Variants in ATP6V1E2 observed in about 807,000 individuals in gnomAD.
ATP6V1E2 encodes ATPase H+ transporting V1 subunit E2.
For synonymous variants in ATP6V1E2, 121 were observed against 104.2 expected (o/e 1.16, Z -0.98); for missense variants, 308 against 273.3 (o/e 1.13, Z -0.90).
intron 4 of ATP6V1E2, among the ~76,000 whole-genome samples, chr2:46,532,144 G>C (rs1558667508): frequency 6.6e-6 from 1 of 152,056 alleles, no homozygotes; most frequent in Non-Finnish European, 1.5e-5. Flanking sequence ...TATGGTCTTA[G>C]CTCATGTCTT....
intron 4 of ATP6V1E2, among the ~76,000 whole-genome samples, chr2:46,526,840 G>A (rs1376931084): frequency 2.0e-5 from 3 of 152,092 alleles, no homozygotes; most frequent in Admixed American, 2.0e-4. Context: ...TATGAACATG[G>A]GTATATAAAT....
At chr2:46,541,267 C>T (rs1011300798) in intron 2 of ATP6V1E2, 123 bp downstream of exon 2, 1 of 152,252 alleles carries the variant, frequency 6.6e-6, no homozygotes, top group African/African-American at 2.4e-5. Flanking sequence ...TCAGTCCATA[C>T]AAAATATCTT....
intron 2 of ATP6V1E2, chr2:46,537,664 G>A (rs904148719): frequency 6.6e-6 from 1 of 151,900 alleles, no homozygotes; most frequent in Non-Finnish European, 1.5e-5. Context: ...CATAACAGAA[G>A]TCCATACACT....
intron 4 of ATP6V1E2, among the ~76,000 whole-genome samples, chr2:46,520,750 T>G (rs1330885225): frequency 6.6e-6 from 1 of 152,244 alleles, no homozygotes; most frequent in African/African-American, 2.4e-5. Context: ...TCTAGGAAAC[T>G]TCTTTGAAAA....
intron 3 of ATP6V1E2, among the ~76,000 whole-genome samples, 172 bp downstream of exon 3, chr2:46,536,439 G>A (rs1667448040): frequency 6.6e-6 from 1 of 152,238 alleles, no homozygotes; most frequent in Admixed American, 6.5e-5. Flanking sequence ...GAGAAAAATA[G>A]GGATAGGGGT....
At chr2:46,515,921 T>C (rs1687692906) in intron 4 of ATP6V1E2, among the ~76,000 whole-genome samples, 1 of 152,090 alleles carries the variant, frequency 6.6e-6, no homozygotes, top group Non-Finnish European at 1.5e-5. Flanking sequence ...TCAAGAACTG[T>C]CACAAGAGAC....
At chr2:46,525,270 C>T (rs112634955) in intron 4 of ATP6V1E2, among the ~76,000 whole-genome samples, 28,187 of 151,278 alleles carry the variant, frequency 0.19, 3,212 homozygotes, top group Admixed American at 0.27. Flanking sequence ...GTCAGGAGAT[C>T]GAGACCACGG....
chr2:46,539,445 C>T (rs1413866755), intron 2 of ATP6V1E2, among the ~76,000 whole-genome samples: 1 of 152,226 alleles, frequency 6.6e-6, no homozygotes, highest in Non-Finnish European at 1.5e-5. Flanking sequence ...AAAAAGTGCC[C>T]TTCTTGCAAT....
chr2:46,532,907 C>A (rs748860734), intron 4 of ATP6V1E2, among the ~76,000 whole-genome samples: 5 of 152,070 alleles, frequency 3.3e-5, no homozygotes, highest in Admixed American at 6.6e-5. Context: ...AACACTATAT[C>A]ATTTAATGCG....
At chr2:46,533,193 G>C (rs1325068764) in intron 4 of ATP6V1E2, among the ~76,000 whole-genome samples, 1 of 143,612 alleles carries the variant, frequency 7.0e-6, no homozygotes, top group African/African-American at 2.6e-5. Flanking sequence ...TATAGTGTGT[G>C]CATGTATGTG....
At chr2:46,529,926 G>T (rs1667106613) in intron 4 of ATP6V1E2, among the ~76,000 whole-genome samples, 1 of 152,170 alleles carries the variant, frequency 6.6e-6, no homozygotes, top group South Asian at 2.1e-4. Context: ...GAACGTCAGG[G>T]TGATGCAGTG....
chr2:46,511,951 A>G lies in ATP6V1E2; in HGVS notation c.*80T>C, dbSNP rs1687475299. On this transcript the variant is annotated 3_prime_UTR_variant, in exon 5 of 5. Transcript: ENST00000522587. Reference sequence around the variant, plus strand: ...AGTATCAGAGCATCAAAGAGGAGGAAACACTACTAGTTTCCTTTCCCCAAA... The same window carrying G: ...AGTATCAGAGCATCAAAGAGGAGGAGACACTACTAGTTTCCTTTCCCCAAA... 1 of 1,272,240 alleles carries G rather than the reference A, an allele frequency of 7.9e-7. No individual in the cohort carries two copies. The highest frequency in any genetic ancestry group is 1.5e-5 in the African/African-American group (1 of 66,704). 78.8% of individuals were successfully genotyped at this position (1,272,240 alleles called of 1,614,324 possible). A position where few individuals can be genotyped will look rare whatever the true frequency, so the allele number is the denominator to read the frequency against.
At chr2:46,520,950 G>A (rs1202231094) in intron 4 of ATP6V1E2, among the ~76,000 whole-genome samples, 3 of 151,974 alleles carry the variant, frequency 2.0e-5, no homozygotes, top group Admixed American at 1.3e-4. Flanking sequence ...TGAATATTAC[G>A]AGGCAAATAT....
intron 4 of ATP6V1E2, among the ~76,000 whole-genome samples, chr2:46,517,811 G>T (rs1408440004): frequency 6.6e-6 from 1 of 152,164 alleles, no homozygotes; most frequent in African/African-American, 2.4e-5. Flanking sequence ...CTCCTGACAG[G>T]ATGGTCATTA....
At chr2:46,512,849 G>A (rs1687538664) in intron 4 of ATP6V1E2, 37 bp from the exon 5 acceptor site, 2 of 719,054 alleles carry the variant, frequency 2.8e-6, no homozygotes, top group Non-Finnish European at 4.5e-6. Flanking sequence ...GAGAAAGTCA[G>A]AGGCTATAGA....
At chr2:46,518,758 T>TTGTGTGTGTGTGTGTGTGTGTGTGTG (rs70940621) in intron 4 of ATP6V1E2, among the ~76,000 whole-genome samples, 1 of 140,622 alleles carries the variant, frequency 7.1e-6, no homozygotes, top group East Asian at 2.0e-4. Context: ...CAAGTCAATT[T>TTGTGTGTGTGTGTGTGTGTGTGTGTG]TGTGTGTGTG....
intron 4 of ATP6V1E2, among the ~76,000 whole-genome samples, chr2:46,516,945 A>G (rs1157018472): frequency 6.6e-6 from 1 of 152,190 alleles, no homozygotes; most frequent in East Asian, 1.9e-4. Context: ...CCCTATCAAA[A>G]TCCTGATGCT....
chr2:46,511,901 G>A lies in ATP6V1E2; in HGVS notation c.*130C>T. On this transcript the variant is annotated 3_prime_UTR_variant, in exon 5 of 5. Transcript: ENST00000522587. ...AAGTTAACACTTTAGCTATCCAAAG[G>A]GTATTTCGTGAAGAAAAACAGAACA... The A allele has an allele frequency of 1.3e-6, 1 of 790,536 alleles. No individual in the cohort carries two copies. The highest frequency in any genetic ancestry group is 1.9e-6 in the Non-Finnish European group (1 of 523,766). 49.0% of individuals were successfully genotyped at this position (790,536 alleles called of 1,614,324 possible). A position where few individuals can be genotyped will look rare whatever the true frequency, so the allele number is the denominator to read the frequency against.
intron 4 of ATP6V1E2, among the ~76,000 whole-genome samples, chr2:46,533,870 A>G (rs977685395): frequency 3.3e-5 from 5 of 152,086 alleles, no homozygotes; most frequent in Non-Finnish European, 7.4e-5. Context: ...TTTTTCTTTT[A>G]TCACTTTAAA....
Sources: allele counts gnomAD v4.1 joint callset (sites outside exome capture counted in the v4.1 genomes callset), GRCh38; gene constraint gnomAD v4.1.1; transcripts MANE v1.5; gene names NCBI Gene and HGNC (gene_info 2026-07-23, HGNC 2026-07-21).